ZFP64: variants seen among roughly 807,000 people sequenced by gnomAD.
ZFP64 encodes zinc finger protein 64.
In ZFP64, 14 loss-of-function variants were observed where a neutral mutation model predicts 51.6. That is an observed-to-expected ratio of 0.27 (90% CI 0.18 to 0.42). ZFP64 has a LOEUF of 0.42. Ranked by LOEUF, ZFP64 falls within the 10% of genes least tolerant of loss-of-function variation. The probability of loss-of-function intolerance (pLI) is 1.00; values close to 1 mark genes in which losing one functional copy is unlikely to be tolerated. For synonymous variants in ZFP64, 375 were observed against 361.4 expected, an observed-to-expected ratio of 1.04 and a Z score of -0.43; for missense variants, 754 against 906.8, an observed-to-expected ratio of 0.83 and a Z score of 2.16.
chr20:52,124,192 TAAA>T (rs33931169), intron 5 of ZFP64, among the ~76,000 whole-genome samples: 1 of 114,044 alleles, frequency 8.8e-6, no homozygotes, highest in Non-Finnish European at 1.8e-5. Context: ...TTGTTAAATG[TAAA>T]AAAAAAAAAA....
chr20:52,180,546 G>GAAAAAAA (rs1983539452), intron 2 of ZFP64, among the ~76,000 whole-genome samples: 1 of 25,422 alleles, frequency 3.9e-5, no homozygotes, highest in Non-Finnish European at 8.5e-5. Flanking sequence ...ACCAGAAATG[G>GAAAAAAA]CAAAAAAAAA....
intron 5 of ZFP64, among the ~76,000 whole-genome samples, chr20:52,121,351 G>A (rs561667965): frequency 2.6e-5 from 4 of 152,252 alleles, no homozygotes; most frequent in African/African-American, 9.6e-5. Context: ...AAAGTTCTTG[G>A]GGGAAGTTAA....
chr20:52,172,809 G>A (rs1019944489), intron 2 of ZFP64, among the ~76,000 whole-genome samples: 10 of 152,046 alleles, frequency 6.6e-5, no homozygotes, highest in African/African-American at 1.9e-4. Flanking sequence ...CCCTGTCCCC[G>A]ATACCCCAAG....
intron 5 of ZFP64, chr20:52,117,700 G>A (rs766633967): frequency 1.3e-5 from 6 of 456,480 alleles, no homozygotes; most frequent in Middle Eastern, 3.2e-4. Flanking sequence ...AGTGCAGCAT[G>A]GGTGTGGACC....
intron 5 of ZFP64, among the ~76,000 whole-genome samples, chr20:52,135,525 T>C (rs1979927089): frequency 6.6e-6 from 1 of 152,066 alleles, no homozygotes; most frequent in Admixed American, 6.5e-5. Flanking sequence ...TGTTGCTCAG[T>C]CTGGAGTGCA....
At chr20:52,131,810 C>G (rs1274484110) in intron 5 of ZFP64, among the ~76,000 whole-genome samples, 1 of 152,146 alleles carries the variant, frequency 6.6e-6, no homozygotes, top group Non-Finnish European at 1.5e-5. Flanking sequence ...TTTGCCAGAT[C>G]TTCCCGACAG....
At chr20:52,113,630 G>C (rs1463675670) in intron 5 of ZFP64, among the ~76,000 whole-genome samples, 1 of 147,122 alleles carries the variant, frequency 6.8e-6, no homozygotes, top group Non-Finnish European at 1.5e-5. Flanking sequence ...GGAGAGACAG[G>C]GTTTTACCAT....
intron 2 of ZFP64, among the ~76,000 whole-genome samples, chr20:52,175,195 T>C (rs1983085843): frequency 6.6e-6 from 1 of 152,224 alleles, no homozygotes; most frequent in African/African-American, 2.4e-5. Flanking sequence ...CCATCTCGGC[T>C]CACTGCAATA....
At chr20:52,181,709 C>A (rs1202311948) in intron 2 of ZFP64, among the ~76,000 whole-genome samples, 1 of 152,116 alleles carries the variant, frequency 6.6e-6, no homozygotes, top group East Asian at 1.9e-4. Context: ...CCCCCAGGAG[C>A]TTGTTAAAAA....
chr20:52,087,419 C>T (rs2078876091), intron 8 of ZFP64, among the ~76,000 whole-genome samples: 2 of 152,128 alleles, frequency 1.3e-5, no homozygotes, highest in Non-Finnish European at 1.5e-5. Flanking sequence ...TTATTTCATA[C>T]TTCTTTGTTC....
chr20:52,153,246 T>C lies in ZFP64; in HGVS notation c.946A>G (p.Lys316Glu), dbSNP rs1364379236. The change falls in exon 6 of 6, where the codon AAG (lysine) becomes GAG (glutamate). Residue 316 changes from lysine to glutamate, a missense_variant. Lys to Glu is a moderately conservative substitution (Grantham distance 56). This residue lies in a region of ZFP64 where 231 missense variants were observed against 336.7 expected (regional missense o/e 0.69). Transcript: ENST00000216923. This position sits in a 1 kb window ranked among gnomAD's most constrained non-coding sequence, Gnocchi z 5.1. ...IRIKHSGNNFKCPHCDFLGDS... is the reference protein window; with the variant it reads ...IRIKHSGNNFECPHCDFLGDS... ...CCCAGGAAGTCGCAATGAGGACACT[T>C]GAAGTTATTCCCGCTGTGCTTGATA... The C allele has an allele frequency of 6.2e-7, 1 of 1,614,070 alleles. No homozygotes were observed. Among genetic ancestry groups the C allele is most frequent in the Non-Finnish European group, 8.5e-7 (1 of 1,180,046 alleles).
At position 52,152,680 on chromosome 20, in the gene ZFP64, C is replaced by T. The variant is rs6126479; in HGVS notation, c.1512G>A (p.Gln504=). Residue 504 remains glutamine (Q), a synonymous_variant, in exon 6 of 6, where the codon CAG becomes CAA. Coordinates refer to ENST00000216923, the MANE Select transcript of ZFP64 (RefSeq NM_018197.3). The stretch of plus-strand genomic sequence containing the variant: ...GGACGATGGTGTTCGCCTGGGGCAC[C>T]TGATGCCCAACGATGATTTTGACTC... ...EGRVKIIVGH[Q]VPQANTIVQA... is the part of the protein sequence containing the mutation. 6.5e-7 allele frequency: 1 copy of T among 1,545,922 alleles called. No individual in the cohort carries two copies. The highest frequency in any genetic ancestry group is 8.7e-7 in the Non-Finnish European group (1 of 1,147,328).
chr20:52,166,782 T>G (rs1267617646), intron 2 of ZFP64, among the ~76,000 whole-genome samples: 1 of 152,082 alleles, frequency 6.6e-6, no homozygotes, highest in Admixed American at 6.5e-5. Flanking sequence ...ATAATTTATG[T>G]CCCTATAATT....
intron 5 of ZFP64, among the ~76,000 whole-genome samples, chr20:52,131,583 A>G (rs1391069688): frequency 6.6e-6 from 1 of 152,216 alleles, no homozygotes; most frequent in African/African-American, 2.4e-5. Flanking sequence ...CTTAAATCAG[A>G]CAAAATACAT....
At chr20:52,111,051 C>A (rs868381835) in intron 5 of ZFP64, 4 of 1,353,256 alleles carry the variant, frequency 3.0e-6, no homozygotes, top group Admixed American at 1.8e-5. Flanking sequence ...TGCTGCCATG[C>A]GGAGCGGAGA....
At chr20:52,150,632 T>C (rs1980746558), downstream of ZFP64, among the ~76,000 whole-genome samples, 1 of 152,174 alleles carries the variant, frequency 6.6e-6, no homozygotes, top group Admixed American at 6.5e-5. Flanking sequence ...GTCATCAAAA[T>C]TGTGTCCAAC....
intron 7 of ZFP64, among the ~76,000 whole-genome samples, chr20:52,090,657 G>A (rs2078914477): frequency 6.6e-6 from 1 of 151,902 alleles, no homozygotes; most frequent in East Asian, 1.9e-4. Flanking sequence ...AAATTAGCTG[G>A]GCTTGGTGAT....
chr20:52,115,526 A>G (rs191448419), intron 5 of ZFP64, among the ~76,000 whole-genome samples: 1 of 151,328 alleles, frequency 6.6e-6, no homozygotes, highest in Non-Finnish European at 1.5e-5. Flanking sequence ...GTGATCCTTA[A>G]GCTTCAGCCT....
At chr20:52,087,888 T>C (rs998476312) in intron 8 of ZFP64, among the ~76,000 whole-genome samples, 1 of 152,216 alleles carries the variant, frequency 6.6e-6, no homozygotes, top group Non-Finnish European at 1.5e-5. Flanking sequence ...TTTCCAGGAA[T>C]TCATTGAAAA....
Sources: gnomAD v4.1 joint callset for allele counts (sites outside exome capture counted in the v4.1 genomes callset) on GRCh38, gnomAD v4.1.1 for gene constraint, gnomAD v4.1.1 regional missense constraint, Gnocchi (gnomAD v3.1) non-coding constraint, MANE v1.5 for transcripts, NCBI Gene and HGNC (gene_info 2026-07-23, HGNC 2026-07-21) for gene names.